The following TSPAN5 variants were observed in gnomAD, a reference collection of about 807,000 sequenced individuals.
TSPAN5 encodes the protein tetraspanin-5.
Under a neutral mutation model 37.1 loss-of-function variants are expected in TSPAN5, and 10 were observed. That is an observed-to-expected ratio of 0.27 (90% confidence interval 0.17 to 0.46). The LOEUF (loss-of-function observed/expected upper bound fraction) is 0.46, where lower values mean the gene tolerates loss of function less well. Ranked by LOEUF, TSPAN5 falls within the 20% of genes least tolerant of loss-of-function variation. The probability of loss-of-function intolerance (pLI) is 1.00; values close to 1 mark genes in which losing one functional copy is unlikely to be tolerated. For missense variants in TSPAN5, 195 were observed against 326.6 expected (o/e 0.60, Z 3.11); for synonymous variants, 110 against 118.9 (o/e 0.93, Z 0.48).
At chr4:98,482,225 T>C in intron 3 of TSPAN5, 50 bp from the exon 4 acceptor site, 1 of 1,547,418 alleles carries the variant, frequency 6.5e-7, no homozygotes, top group Non-Finnish European at 8.9e-7. Context: ...GCTATTTTGA[T>C]CATATATAGC....
At position 98,527,673 on chromosome 4, in the gene TSPAN5, C is replaced by T. The variant is rs1286221402; in HGVS notation, c.82-19945G>A. On this transcript the variant is annotated intron_variant, in intron 1 of 7. Transcript: ENST00000305798. The stretch of plus-strand genomic sequence containing the variant: ...GACTCGCCCCAGCCCTCTGTTCTCA[C>T]CCCTACGTGCTCTGTCTGATCCTAC... Among the ~76,000 whole-genome samples the T allele has an allele frequency of 3.9e-5, 6 of 152,326 alleles. No individual in the cohort carries two copies. The East Asian group carries it at 7.7e-4, about 20-fold the overall frequency.
chr4:98,500,310 T>A (rs1352699358), intron 2 of TSPAN5: 1 of 151,912 alleles, frequency 6.6e-6, no homozygotes, highest in East Asian at 1.9e-4. Context: ...AGAACTGGAG[T>A]GTTCTGCATT....
intron 1 of TSPAN5, among the ~76,000 whole-genome samples, chr4:98,575,442 G>C (rs982470114): frequency 2.7e-5 from 4 of 149,404 alleles, no homozygotes; most frequent in Admixed American, 1.3e-4. Flanking sequence ...TCAGATCTAA[G>C]CTCTTCAATA....
At chr4:98,611,892 G>A (rs1177087255) in intron 1 of TSPAN5, among the ~76,000 whole-genome samples, 1 of 152,252 alleles carries the variant, frequency 6.6e-6, no homozygotes, top group East Asian at 1.9e-4. Context: ...CGTGGAGGGT[G>A]GCGAGTGGGC....
At chr4:98,483,750 T>C (rs1314028387) in intron 3 of TSPAN5, 1 of 152,312 alleles carries the variant, frequency 6.6e-6, no homozygotes, top group African/African-American at 2.4e-5. Context: ...AGTTCCTGAT[T>C]ATATATCCTT....
intron 1 of TSPAN5, among the ~76,000 whole-genome samples, chr4:98,640,291 T>C (rs1322521402): frequency 2.0e-5 from 3 of 152,224 alleles, no homozygotes; most frequent in Non-Finnish European, 4.4e-5. Context: ...ACTTTGTTCC[T>C]AGGCTAAGAA....
chr4:98,541,077 G>C, intron 1 of TSPAN5, among the ~76,000 whole-genome samples: 1 of 152,112 alleles, frequency 6.6e-6, no homozygotes, highest in Non-Finnish European at 1.5e-5. Context: ...TCTCTTTGAA[G>C]CTCAACTTCC....
intron 5 of TSPAN5, among the ~76,000 whole-genome samples, chr4:98,477,662 CTTT>C (rs61539900): frequency 1.4e-5 from 2 of 141,294 alleles, no homozygotes; most frequent in African/African-American, 2.6e-5. Flanking sequence ...AGAGAGTTAC[CTTT>C]TTTTTTTTTT....
chr4:98,618,518 T>C (rs883131), intron 1 of TSPAN5, among the ~76,000 whole-genome samples: 82,356 of 152,004 alleles, frequency 0.54, 23,609 homozygotes, highest in African/African-American at 0.72. Flanking sequence ...GCAAACTGCA[T>C]TAGGCTCTTT....
chr4:98,587,647 T>C (rs1318585883), intron 1 of TSPAN5, among the ~76,000 whole-genome samples: 2 of 152,102 alleles, frequency 1.3e-5, no homozygotes, highest in Non-Finnish European at 1.5e-5. Flanking sequence ...CCCAGCACTT[T>C]AGGAGGCTGA....
At chr4:98,518,703 A>G (rs1753789921) in intron 1 of TSPAN5, among the ~76,000 whole-genome samples, 3 of 152,250 alleles carry the variant, frequency 2.0e-5, no homozygotes. Flanking sequence ...TAGGCAGGCT[A>G]TGGTCCCGCA....
At chr4:98,578,738 T>A (rs1352987999) in intron 1 of TSPAN5, among the ~76,000 whole-genome samples, 1 of 152,124 alleles carries the variant, frequency 6.6e-6, no homozygotes, top group Non-Finnish European at 1.5e-5. Flanking sequence ...ACTTATTATA[T>A]GCCAAACTCT....
chr4:98,645,294 T>C (rs1365490432), intron 1 of TSPAN5, among the ~76,000 whole-genome samples: 1 of 152,214 alleles, frequency 6.6e-6, no homozygotes, highest in African/African-American at 2.4e-5. Context: ...AGTCATATTA[T>C]TGTCATTATA....
intron 1 of TSPAN5, among the ~76,000 whole-genome samples, chr4:98,539,834 G>A (rs80157916): frequency 5.3e-4 from 80 of 152,104 alleles, no homozygotes; most frequent in Non-Finnish European, 9.3e-4. Context: ...TAAGATCAGC[G>A]TAGAAAAGAT....
intron 1 of TSPAN5, among the ~76,000 whole-genome samples, chr4:98,572,295 T>C (rs1187427288): frequency 1.3e-5 from 2 of 152,128 alleles, no homozygotes; most frequent in African/African-American, 2.4e-5. Flanking sequence ...ACCGTAAGCA[T>C]AGGCACAATG....
rs140339126 is a variant in TSPAN5, at chr4:98,572,550, C to T, written c.82-64822G>A. Among the ~76,000 whole-genome samples, 117 of 152,308 alleles carry T rather than the reference C, an allele frequency of 7.7e-4. 1 individual carries two copies. The East Asian group carries it at 0.014, about 19-fold the overall frequency. ...ATCATAAACACTATAAAGCCTACTA[C>T]GTCTCAGACATTCTGTTTTCAGAGG... On this transcript the variant is annotated intron_variant, in intron 1 of 7. Transcript: ENST00000305798.
At chr4:98,644,360 G>A (rs1353541993) in intron 1 of TSPAN5, among the ~76,000 whole-genome samples, 5 of 151,908 alleles carry the variant, frequency 3.3e-5, no homozygotes, top group African/African-American at 1.2e-4. Context: ...TTTTTCATTT[G>A]AAGTGTTTGT....
intron 1 of TSPAN5, among the ~76,000 whole-genome samples, chr4:98,646,249 T>C (rs1201730023): frequency 6.6e-6 from 1 of 152,150 alleles, no homozygotes; most frequent in African/African-American, 2.4e-5. Flanking sequence ...GAAGGACATA[T>C]AAGGGGAAAA....
chr4:98,586,267 C>T (rs1755481748), intron 1 of TSPAN5, among the ~76,000 whole-genome samples: 1 of 152,110 alleles, frequency 6.6e-6, no homozygotes, highest in Non-Finnish European at 1.5e-5. Flanking sequence ...GAAAATGTTA[C>T]CAAAATAATA....
Sources: gnomAD v4.1 joint callset for allele counts (sites outside exome capture counted in the v4.1 genomes callset) on GRCh38, gnomAD v4.1.1 for gene constraint, MANE v1.5 for transcripts, NCBI Gene and HGNC (gene_info 2026-07-23, HGNC 2026-07-21) for gene names.